Variants in RBM27 observed in about 807,000 individuals in gnomAD.
The protein encoded by RBM27 is RNA binding motif protein 27.
Under a neutral mutation model 135.3 loss-of-function variants are expected in RBM27, and 22 were observed. The observed-to-expected ratio is 0.16, with a 90% CI of 0.12 to 0.23. The LOEUF is 0.23. Ranked by LOEUF, RBM27 falls within the 10% of genes least tolerant of loss-of-function variation. The pLI is 1.00. For synonymous variants in RBM27, 481 were observed against 442.4 expected (o/e 1.09, Z -1.10); for missense variants, 1,009 against 1,281.0 (o/e 0.79, Z 3.24).
Position 146,286,609 on chromosome 5 carries a change from G to A in RBM27, c.*579G>A, listed in dbSNP as rs752743597. Reference sequence around the variant, plus strand: ...TTTTTCATGGTTTTTATGTGTGGTAGTACTAGTTCAGTGAAAATCACAACA... The same window carrying A: ...TTTTTCATGGTTTTTATGTGTGGTAATACTAGTTCAGTGAAAATCACAACA... On this transcript the variant is annotated 3_prime_UTR_variant, in exon 21 of 21. Coordinates refer to ENST00000265271, the MANE Select transcript of RBM27 (RefSeq NM_018989.2). 9 of 151,256 alleles carry A rather than the reference G, an allele frequency of 6.0e-5. No homozygotes were observed. The highest frequency in any genetic ancestry group is 2.9e-5 in the Non-Finnish European group (2 of 67,946). The allele number at this position is 151,256 out of a possible 1,614,324, so 9.4% of individuals were successfully genotyped here. A position where few individuals can be genotyped will look rare whatever the true frequency, so the allele number is the denominator to read the frequency against.
chr5:146,206,609 T>G (rs1755682446), intron 1 of RBM27, among the ~76,000 whole-genome samples: 1 of 151,998 alleles, frequency 6.6e-6, no homozygotes, highest in South Asian at 2.1e-4. Context: ...AGATGGAGTT[T>G]CGCTCTTGTT....
At chr5:146,242,194 A>G (rs930011326) in intron 8 of RBM27, among the ~76,000 whole-genome samples, 1 of 152,214 alleles carries the variant, frequency 6.6e-6, no homozygotes, top group Non-Finnish European at 1.5e-5. Context: ...TTGGCCTCCC[A>G]AAGTGGGTAG....
intron 1 of RBM27, among the ~76,000 whole-genome samples, chr5:146,211,866 A>G (rs986710042): frequency 4.6e-5 from 7 of 152,152 alleles, no homozygotes; most frequent in African/African-American, 1.7e-4. Flanking sequence ...GTATTATTGC[A>G]TTATGACAGT....
intron 19 of RBM27, among the ~76,000 whole-genome samples, chr5:146,282,395 A>G (rs1350476158): frequency 2.0e-5 from 3 of 152,192 alleles, no homozygotes; most frequent in Non-Finnish European, 4.4e-5. Flanking sequence ...TTAACTACAC[A>G]TGTACACACC....
chr5:146,213,639 G>C lies in RBM27; in HGVS notation c.60-5346G>C, dbSNP rs192519966. Among the ~76,000 whole-genome samples the C allele has an allele frequency of 1.2e-4, 18 of 152,276 alleles. No individual in the cohort carries two copies. The East Asian group carries it at 3.1e-3, about 26-fold the overall frequency. On this transcript the variant is annotated intron_variant, in intron 1 of 20. Coordinates refer to ENST00000265271, the MANE Select transcript of RBM27 (RefSeq NM_018989.2). ...AGTAAATGGTAATGGTTTTTCAGTA[G>C]TGTTTTTTGGCTTGGGGCCAAAGGT...
intron 19 of RBM27, among the ~76,000 whole-genome samples, chr5:146,276,949 T>C (rs1441318036): frequency 6.6e-6 from 1 of 152,206 alleles, no homozygotes; most frequent in Non-Finnish European, 1.5e-5. Flanking sequence ...CTATGACCAT[T>C]TACTGTTGTT....
At chr5:146,238,982 G>A (rs553199561) in intron 8 of RBM27, among the ~76,000 whole-genome samples, 1 of 152,242 alleles carries the variant, frequency 6.6e-6, no homozygotes, top group East Asian at 1.9e-4. Flanking sequence ...CTAGCCACTA[G>A]TAAGCTATAA....
intron 6 of RBM27, among the ~76,000 whole-genome samples, chr5:146,233,222 T>C (rs1757012552): frequency 6.6e-6 from 1 of 152,218 alleles, no homozygotes. Context: ...TTGACTCTTT[T>C]ATTTGCTTTC....
intron 9 of RBM27, 53 bp downstream of exon 9, chr5:146,251,928 C>A: frequency 1.3e-6 from 2 of 1,569,462 alleles, no homozygotes; most frequent in Non-Finnish European, 1.8e-6. Flanking sequence ...TTACCTCAAG[C>A]TGGCCAGTCT....
intron 1 of RBM27, among the ~76,000 whole-genome samples, chr5:146,207,664 T>C (rs1755751048): frequency 6.6e-6 from 1 of 151,056 alleles, no homozygotes; most frequent in African/African-American, 2.4e-5. Flanking sequence ...ATTTCTTTTT[T>C]TTTTTTTTTT....
chr5:146,240,294 ATCTGTCTG>A (rs59670617), intron 8 of RBM27, among the ~76,000 whole-genome samples: 1,702 of 148,222 alleles, frequency 0.011, 40 homozygotes, highest in African/African-American at 0.037. Context: ...GCTGTTTTCT[ATCTGTCTG>A]TCTGTCTGTC....
At chr5:146,235,069 T>TAAATAAAC (rs1757101728) in intron 7 of RBM27, among the ~76,000 whole-genome samples, 1 of 141,874 alleles carries the variant, frequency 7.0e-6, no homozygotes, top group Non-Finnish European at 1.6e-5. Flanking sequence ...AATAAATAAA[T>TAAATAAAC]AAATAAAAGA....
Position 146,223,497 on chromosome 5 carries a change from A to T in RBM27, c.273A>T (p.Leu91=). 6.2e-7 allele frequency: 1 copy of T among 1,607,694 alleles called. No homozygotes were observed. The highest frequency in any genetic ancestry group is 8.5e-7 in the Non-Finnish European group (1 of 1,177,768). The change falls in exon 3 of 21, where the codon CTA becomes CTT. Residue 91 remains leucine, a synonymous_variant. Coordinates refer to ENST00000265271, the MANE Select transcript of RBM27 (RefSeq NM_018989.2). ...LEPVKPEPKP[L]VQEKEEIKEE... ...CAGTAAAGCCTGAGCCAAAACCACTAGTCCAAGAAAAAGAAGAAATTAAAG... is the reference window on the plus strand; with the variant it reads ...CAGTAAAGCCTGAGCCAAAACCACTTGTCCAAGAAAAAGAAGAAATTAAAG...
intron 3 of RBM27, 144 bp from the exon 4 acceptor site, chr5:146,228,802 G>C: frequency 1.8e-6 from 1 of 563,792 alleles, no homozygotes; most frequent in Non-Finnish European, 3.2e-6. Context: ...TAGTAGAGAT[G>C]GAGTCTCCCT....
intron 1 of RBM27, among the ~76,000 whole-genome samples, chr5:146,218,034 A>C (rs758775397): frequency 2.0e-5 from 3 of 152,208 alleles, no homozygotes; most frequent in South Asian, 2.1e-4. Context: ...TTGGGATTAC[A>C]GGCATGAGCC....
intron 8 of RBM27, among the ~76,000 whole-genome samples, chr5:146,243,508 A>G (rs1471799095): frequency 6.6e-6 from 1 of 152,202 alleles, no homozygotes; most frequent in Non-Finnish European, 1.5e-5. Context: ...TCAGCCAGTA[A>G]CTATAATTCA....
chr5:146,257,390 G>T (rs1053334916), intron 10 of RBM27, among the ~76,000 whole-genome samples: 1 of 152,164 alleles, frequency 6.6e-6, no homozygotes, highest in South Asian at 2.1e-4. Flanking sequence ...TATAGTATTG[G>T]CTTTGGATTT....
intron 1 of RBM27, among the ~76,000 whole-genome samples, chr5:146,218,572 G>GT (rs1249441563): frequency 6.6e-6 from 1 of 152,180 alleles, no homozygotes; most frequent in African/African-American, 2.4e-5. Flanking sequence ...AGAGGAGAAA[G>GT]TTTTTCCATC....
In RBM27 at chr5:146,271,037, A is replaced by T; in HGVS notation, c.2775A>T (p.Lys925Asn). Residue 925 changes from lysine to asparagine, a missense_variant, in exon 18 of 21, where the codon AAA (lysine) becomes AAT (asparagine). Transcript: ENST00000265271. ...AAGACACCACAGAATTACGGAAAAA[A>T]CTCAGTCAGTTACAGGTTGAGGTGA... ...SGEDTTELRK[K>N]LSQLQVEAAR... The T allele has an allele frequency of 6.2e-7, 1 of 1,612,946 alleles. No individual in the cohort carries two copies. Among genetic ancestry groups the T allele is most frequent in the Non-Finnish European group, 8.5e-7 (1 of 1,179,064 alleles).
Sources: gnomAD v4.1 joint callset for allele counts (sites outside exome capture counted in the v4.1 genomes callset) on GRCh38, gnomAD v4.1.1 for gene constraint, MANE v1.5 for transcripts, NCBI Gene and HGNC (gene_info 2026-07-23, HGNC 2026-07-21) for gene names.